CMIP: variants seen among roughly 807,000 people sequenced by gnomAD.
CMIP encodes the protein c-Maf inducing protein, also known as C-Maf-inducing protein.
CMIP carries 13 observed loss-of-function variants against 97.3 expected under a neutral mutation model. That is an observed-to-expected ratio of 0.13 (90% CI 0.09 to 0.21). The LOEUF (loss-of-function observed/expected upper bound fraction) is 0.21. Ranked by LOEUF, CMIP falls within the 10% of genes least tolerant of loss-of-function variation. The pLI, the probability that CMIP is intolerant of heterozygous loss-of-function variation, is 1.00. For synonymous variants in CMIP, 538 were observed against 436.3 expected, an observed-to-expected ratio of 1.23 and a Z score of -2.91; for missense variants, 847 against 1,024.9, an observed-to-expected ratio of 0.83 and a Z score of 2.37.
In CMIP at chr16:81,702,680, T is replaced by C; in HGVS notation, c.1944+11T>C. Reference sequence around the variant, plus strand: ...CCCTCCAAGTCCACAGTGAGTTGGTTTGGTTCTCTTTGGGGCTGGATGGAG... The same window carrying C: ...CCCTCCAAGTCCACAGTGAGTTGGTCTGGTTCTCTTTGGGGCTGGATGGAG... On this transcript the variant is annotated intron_variant, in intron 17 of 20. Transcript: ENST00000537098. The C allele has an allele frequency of 1.2e-6, 2 of 1,611,592 alleles. No homozygotes were observed. Among genetic ancestry groups the C allele is most frequent in the Non-Finnish European group, 1.7e-6 (2 of 1,178,402 alleles).
intron 3 of CMIP, among the ~76,000 whole-genome samples, chr16:81,650,912 A>G (rs1370800718): frequency 6.6e-6 from 1 of 152,158 alleles, no homozygotes; most frequent in African/African-American, 2.4e-5. Context: ...CCTCACCGAC[A>G]GAAGTAACCG....
intron 1 of CMIP, among the ~76,000 whole-genome samples, chr16:81,498,945 C>T (rs2089545243): frequency 6.6e-6 from 1 of 152,176 alleles, no homozygotes; most frequent in Non-Finnish European, 1.5e-5. Context: ...ACATGCATAC[C>T]ATTTAGTAGG....
chr16:81,506,689 C>T (rs1049989070), intron 1 of CMIP, among the ~76,000 whole-genome samples: 6 of 152,280 alleles, frequency 3.9e-5, no homozygotes, highest in South Asian at 2.1e-4. Flanking sequence ...CCAAGGCGGG[C>T]GGATCACGAG....
intron 3 of CMIP, among the ~76,000 whole-genome samples, chr16:81,637,807 C>A (rs1428402062): frequency 6.6e-6 from 1 of 152,202 alleles, no homozygotes; most frequent in African/African-American, 2.4e-5. Context: ...CCTGGCGCAA[C>A]AGAAATTCAT....
chr16:81,626,816 T>TGGG (rs772134962), intron 3 of CMIP, among the ~76,000 whole-genome samples: 1 of 118,670 alleles, frequency 8.4e-6, no homozygotes, highest in Admixed American at 8.9e-5. Flanking sequence ...TGTGTGTGTG[T>TGGG]GGGGTGCATA....
intron 2 of CMIP, 91 bp downstream of exon 2, chr16:81,607,783 TC>T: frequency 7.2e-7 from 1 of 1,385,530 alleles, no homozygotes; most frequent in Non-Finnish European, 1.0e-6. Flanking sequence ...CCAGCAGCTA[TC>T]AAGAGGAAAG....
chr16:81,518,016 T>G (rs2089949266), intron 1 of CMIP: 2 of 477,206 alleles, frequency 4.2e-6, no homozygotes, highest in Admixed American at 6.4e-5. Flanking sequence ...GCACTTCTCA[T>G]GCCCCCATGG....
At chr16:81,458,156 A>C (rs908352741) in intron 1 of CMIP, among the ~76,000 whole-genome samples, 4 of 151,994 alleles carry the variant, frequency 2.6e-5, no homozygotes, top group African/African-American at 9.7e-5. Context: ...GGAAGTGGGG[A>C]GGAGAGGGGA....
chr16:81,670,375 C>G (rs1455916645), intron 8 of CMIP, 130 bp downstream of exon 8: 2 of 960,858 alleles, frequency 2.1e-6, no homozygotes, highest in Non-Finnish European at 3.1e-6. Context: ...AGCCCCTAGC[C>G]TACTGCACGG....
At chr16:81,636,180 T>C (rs922994222) in intron 3 of CMIP, among the ~76,000 whole-genome samples, 1 of 123,554 alleles carries the variant, frequency 8.1e-6, no homozygotes, top group African/African-American at 2.7e-5. Context: ...TTGTCCTCTG[T>C]ATGAATTTTT....
intron 1 of CMIP, among the ~76,000 whole-genome samples, chr16:81,482,792 C>G (rs938667271): frequency 6.6e-6 from 1 of 152,258 alleles, no homozygotes; most frequent in Non-Finnish European, 1.5e-5. Flanking sequence ...CCACCACATC[C>G]TAAGCTGAGC....
chr16:81,597,402 A>G (rs937493426), intron 1 of CMIP, among the ~76,000 whole-genome samples: 4 of 152,116 alleles, frequency 2.6e-5, no homozygotes, highest in African/African-American at 4.8e-5. Flanking sequence ...GTGAAGTCCA[A>G]AGGTCTTGGT....
chr16:81,610,044 C>G (rs2091805616), intron 2 of CMIP, among the ~76,000 whole-genome samples: 1 of 152,120 alleles, frequency 6.6e-6, no homozygotes, highest in African/African-American at 2.4e-5. Context: ...TGAAACATTC[C>G]AGTTGGAGGA....
intron 3 of CMIP, among the ~76,000 whole-genome samples, chr16:81,633,466 G>T (rs1054324504): frequency 6.6e-6 from 1 of 152,222 alleles, no homozygotes; most frequent in Non-Finnish European, 1.5e-5. Context: ...TTGCTTCACC[G>T]AGGGATCATC....
At chr16:81,504,641 CAAAAAAAAAAAAAAAA>C (rs149715666) in intron 1 of CMIP, among the ~76,000 whole-genome samples, 2 of 71,986 alleles carry the variant, frequency 2.8e-5, no homozygotes, top group South Asian at 4.5e-4. Context: ...AGACTCGTCT[CAAAAAAAAAAAAAAAA>C]AAAAAAAAAG....
chr16:81,489,179 C>T (rs1224930963), intron 1 of CMIP, among the ~76,000 whole-genome samples: 2 of 152,120 alleles, frequency 1.3e-5, no homozygotes, highest in East Asian at 3.9e-4. Flanking sequence ...TGAGGAAAGG[C>T]GGGCAAGGAG....
intron 1 of CMIP, among the ~76,000 whole-genome samples, chr16:81,580,419 T>C (rs547998075): frequency 8.5e-5 from 13 of 152,200 alleles, no homozygotes; most frequent in African/African-American, 3.1e-4. Context: ...GTTTTCTTTC[T>C]CTTTTCTTTC....
At chr16:81,551,401 A>T (rs2090656284) in intron 1 of CMIP, among the ~76,000 whole-genome samples, 1 of 152,258 alleles carries the variant, frequency 6.6e-6, no homozygotes, top group Non-Finnish European at 1.5e-5. Context: ...ATAAAGCTGA[A>T]AATATCCATT....
intron 1 of CMIP, among the ~76,000 whole-genome samples, 190 bp downstream of exon 1, chr16:81,445,731 C>T (rs1319264455): frequency 6.6e-6 from 1 of 152,124 alleles, no homozygotes; most frequent in African/African-American, 2.4e-5. Context: ...GTCTGAAGCC[C>T]AAACCAGCCG....
Sources: gnomAD v4.1 joint callset for allele counts (sites outside exome capture counted in the v4.1 genomes callset) on GRCh38, gnomAD v4.1.1 for gene constraint, MANE v1.5 for transcripts, NCBI Gene and HGNC (gene_info 2026-07-23, HGNC 2026-07-21) for gene names.